CNTN5: variants seen among roughly 807,000 people sequenced by gnomAD.
The protein encoded by CNTN5 is contactin 5, also known as contactin-5.
Under a neutral mutation model 129.1 loss-of-function variants are expected in CNTN5, and 77 were observed. That is an observed-to-expected ratio of 0.60 (90% CI 0.50 to 0.72). CNTN5 has a LOEUF of 0.72. CNTN5 is among the 30% of genes least tolerant of loss of function. CNTN5 has a pLI of 0.00. For missense variants in CNTN5, 1,478 were observed against 1,328.8 expected, an observed-to-expected ratio of 1.11 and a Z score of -1.75; for synonymous variants, 509 against 465.6, an observed-to-expected ratio of 1.09 and a Z score of -1.20.
chr11:99,616,515 C>T (rs1395649793), intron 3 of CNTN5, among the ~76,000 whole-genome samples: 1 of 151,980 alleles, frequency 6.6e-6, no homozygotes, highest in African/African-American at 2.4e-5. Flanking sequence ...TACCCATATC[C>T]TCGACCAGAT....
intron 13 of CNTN5, among the ~76,000 whole-genome samples, chr11:100,174,054 G>A (rs1399732374): frequency 6.6e-6 from 1 of 152,058 alleles, no homozygotes; most frequent in African/African-American, 2.4e-5. Context: ...ACAACTGAAA[G>A]TTATCAAAAA....
chr11:99,826,895 A>AG (rs756711843), intron 4 of CNTN5, among the ~76,000 whole-genome samples: 72 of 152,146 alleles, frequency 4.7e-4, no homozygotes, highest in South Asian at 1.5e-3. Context: ...GAAGGAAGTA[A>AG]GGGGGGGATC....
At chr11:100,179,381 A>G (rs967928822) in intron 13 of CNTN5, among the ~76,000 whole-genome samples, 3 of 152,126 alleles carry the variant, frequency 2.0e-5, no homozygotes, top group African/African-American at 7.2e-5. Context: ...GAAAACTTCT[A>G]TGGAATAAAT....
At chr11:99,454,382 C>G (rs1944418451) in intron 2 of CNTN5, among the ~76,000 whole-genome samples, 2 of 152,132 alleles carry the variant, frequency 1.3e-5, no homozygotes, top group South Asian at 2.1e-4. Context: ...ATAATTGAAT[C>G]ATAGGCCCAG....
At chr11:100,211,740 AGTTT>A (rs769248433) in intron 15 of CNTN5, among the ~76,000 whole-genome samples, 2 of 152,140 alleles carry the variant, frequency 1.3e-5, no homozygotes, top group African/African-American at 2.4e-5. Context: ...GCTCTAAGTC[AGTTT>A]GTTTGTTTTT....
At chr11:99,979,291 C>A (rs1051044295) in intron 8 of CNTN5, among the ~76,000 whole-genome samples, 2 of 151,934 alleles carry the variant, frequency 1.3e-5, no homozygotes, top group Non-Finnish European at 2.9e-5. Flanking sequence ...TTCAGAGGTA[C>A]AAATAGGACA....
intron 9 of CNTN5, among the ~76,000 whole-genome samples, chr11:100,013,619 T>A (rs190002216): frequency 1.3e-5 from 2 of 152,322 alleles, no homozygotes; most frequent in African/African-American, 4.8e-5. Context: ...AGGCAAATTA[T>A]GTATCCCATT....
chr11:100,038,075 G>C (rs1655523526), intron 9 of CNTN5, among the ~76,000 whole-genome samples: 1 of 151,958 alleles, frequency 6.6e-6, no homozygotes, highest in Non-Finnish European at 1.5e-5. Context: ...GTCAATTTTA[G>C]ATCTTTCCTG....
intron 13 of CNTN5, among the ~76,000 whole-genome samples, chr11:100,164,587 T>C (rs1947565382): frequency 6.6e-6 from 1 of 151,858 alleles, no homozygotes; most frequent in Non-Finnish European, 1.5e-5. Flanking sequence ...TTTTGTTCTG[T>C]TCTCATTCTC....
At chr11:100,017,793 C>G (rs974849184) in intron 9 of CNTN5, among the ~76,000 whole-genome samples, 1 of 151,690 alleles carries the variant, frequency 6.6e-6, no homozygotes, top group Non-Finnish European at 1.5e-5. Context: ...CACACAAACA[C>G]TTTTTGGAAA....
At chr11:99,729,995 A>G (rs926719085) in intron 3 of CNTN5, among the ~76,000 whole-genome samples, 1 of 152,074 alleles carries the variant, frequency 6.6e-6, no homozygotes, top group African/African-American at 2.4e-5. Context: ...AACGTGTGCC[A>G]TAGTGGTTTG....
intron 1 of CNTN5, among the ~76,000 whole-genome samples, chr11:99,229,820 T>C (rs2135725137): frequency 6.6e-6 from 1 of 152,190 alleles, no homozygotes; most frequent in South Asian, 2.1e-4. Flanking sequence ...ATAGTCTTAA[T>C]GGTCACTGTG....
chr11:100,153,532 G>A (rs923208614), intron 13 of CNTN5, among the ~76,000 whole-genome samples: 3 of 151,930 alleles, frequency 2.0e-5, no homozygotes, highest in African/African-American at 7.2e-5. Context: ...TCGTATTCTT[G>A]TTAAAAAGAA....
At chr11:99,085,335 G>A (rs779549831) in intron 1 of CNTN5, among the ~76,000 whole-genome samples, 6 of 152,074 alleles carry the variant, frequency 3.9e-5, no homozygotes, top group Admixed American at 6.6e-5. Flanking sequence ...GTGAGCCACC[G>A]TGCCCGGCCT....
At chr11:100,000,573 T>G (rs566997920) in intron 8 of CNTN5, among the ~76,000 whole-genome samples, 3 of 152,162 alleles carry the variant, frequency 2.0e-5, no homozygotes, top group Non-Finnish European at 4.4e-5. Flanking sequence ...AAGCTGTGGA[T>G]CCACCATTCT....
At chr11:99,878,780 C>T (rs909720237) in intron 6 of CNTN5, among the ~76,000 whole-genome samples, 3 of 151,920 alleles carry the variant, frequency 2.0e-5, no homozygotes, top group African/African-American at 4.8e-5. Flanking sequence ...ACTTGAACCC[C>T]GGAGGCAGAG....
At chr11:99,294,992 A>C (rs764722223) in intron 1 of CNTN5, among the ~76,000 whole-genome samples, 9 of 152,196 alleles carry the variant, frequency 5.9e-5, no homozygotes, top group Non-Finnish European at 1.2e-4. Flanking sequence ...TTCCAGTCTC[A>C]GAATGTCATT....
chr11:99,512,301 T>A (rs1214010148), intron 2 of CNTN5, among the ~76,000 whole-genome samples: 1 of 152,182 alleles, frequency 6.6e-6, no homozygotes, highest in African/African-American at 2.4e-5. Flanking sequence ...GGTAACATGC[T>A]GTGCAGGTCT....
chr11:99,865,681 C>A (rs1948336269), intron 6 of CNTN5, among the ~76,000 whole-genome samples: 1 of 151,958 alleles, frequency 6.6e-6, no homozygotes, highest in Admixed American at 6.6e-5. Flanking sequence ...CTCATACTTA[C>A]TGAAAATGTT....
Sources: gnomAD v4.1 joint callset for allele counts (sites outside exome capture counted in the v4.1 genomes callset) on GRCh38, gnomAD v4.1.1 for gene constraint, MANE v1.5 for transcripts, NCBI Gene and HGNC (gene_info 2026-07-23, HGNC 2026-07-21) for gene names.